Variants in SSH2 observed in about 807,000 individuals in gnomAD.
SSH2 encodes the protein slingshot protein phosphatase 2, also known as protein phosphatase Slingshot homolog 2.
A neutral mutation model predicts 135.2 loss-of-function variants in SSH2; 37 were observed. The observed-to-expected ratio is 0.27, with a 90% confidence interval of 0.21 to 0.36. The LOEUF (loss-of-function observed/expected upper bound fraction) is 0.36, where lower values mean the gene tolerates loss of function less well. Ranked by LOEUF, SSH2 falls within the 10% of genes least tolerant of loss-of-function variation. The pLI is 1.00. For missense variants in SSH2, 1,408 were observed against 1,765.3 expected (o/e 0.80, Z 3.63); for synonymous variants, 628 against 646.2 (o/e 0.97, Z 0.43).
intron 3 of SSH2, among the ~76,000 whole-genome samples, chr17:29,709,333 G>A (rs921090856): frequency 1.3e-5 from 2 of 152,066 alleles, no homozygotes; most frequent in African/African-American, 4.8e-5. Context: ...TATGGCGGAC[G>A]AAATACAATG....
At chr17:29,813,829 T>A (rs977470582) in intron 2 of SSH2, among the ~76,000 whole-genome samples, 1 of 135,800 alleles carries the variant, frequency 7.4e-6, no homozygotes, top group Non-Finnish European at 1.6e-5. Flanking sequence ...AAAAAAAAAA[T>A]TAAATTAAAA....
intron 1 of SSH2, chr17:29,925,464 C>T (rs2067047763): frequency 2.5e-6 from 1 of 398,218 alleles, no homozygotes; most frequent in South Asian, 1.3e-4. Context: ...GACTATAATC[C>T]CAATTCTTTA....
Position 29,930,023 on chromosome 17 carries a change from G to A in SSH2, c.-23C>T, listed in dbSNP as rs1405781382. ...CATCTAGGCGCTGCTGGGTTGTTCC[G>A]GGCAGGGCATTCTTGTCCTGAGTGT... On this transcript the variant is annotated 5_prime_UTR_variant, in exon 1 of 16. Transcript: ENST00000540801. 3 of 1,585,352 alleles carry A rather than the reference G, an allele frequency of 1.9e-6. No homozygotes were observed. The highest frequency in any genetic ancestry group is 2.3e-5 in the East Asian group (1 of 43,222).
intron 3 of SSH2, among the ~76,000 whole-genome samples, chr17:29,759,488 C>A (rs980122925): frequency 2.0e-5 from 3 of 152,196 alleles, no homozygotes; most frequent in Admixed American, 2.0e-4. Context: ...TATTTTCACA[C>A]TGTTGTGCAA....
intron 14 of SSH2, among the ~76,000 whole-genome samples, chr17:29,642,820 A>G (rs1038756989): frequency 6.6e-5 from 10 of 152,168 alleles, no homozygotes; most frequent in African/African-American, 2.4e-4. Flanking sequence ...AAATCAGTAC[A>G]GGAGCCTGGA....
chr17:29,785,965 C>T (rs1191934409), intron 3 of SSH2, among the ~76,000 whole-genome samples: 3 of 152,148 alleles, frequency 2.0e-5, no homozygotes, highest in South Asian at 2.1e-4. Flanking sequence ...CCATCACGCC[C>T]GGCTAGTTTT....
At chr17:29,666,729 A>T in intron 11 of SSH2, 138 bp downstream of exon 11, 1 of 734,826 alleles carries the variant, frequency 1.4e-6, no homozygotes, top group South Asian at 2.0e-5. Context: ...GGAAGTGATG[A>T]GGTTTGAGTA....
intron 2 of SSH2, among the ~76,000 whole-genome samples, chr17:29,845,304 C>T (rs1471449604): frequency 6.6e-6 from 1 of 152,170 alleles, no homozygotes; most frequent in Non-Finnish European, 1.5e-5. Flanking sequence ...ATAACTGCCC[C>T]CCACCCCACC....
chr17:29,750,263 C>T (rs1427908900), intron 3 of SSH2, among the ~76,000 whole-genome samples: 1 of 150,846 alleles, frequency 6.6e-6, no homozygotes, highest in Non-Finnish European at 1.5e-5. Flanking sequence ...CATGGCGAAA[C>T]CCCATCTCTA....
At position 29,642,576 on chromosome 17, in the gene SSH2, C is replaced by A. The variant is rs571689523; in HGVS notation, c.1427+5568G>T. Among the ~76,000 whole-genome samples the A allele has an allele frequency of 4.8e-3, 725 of 152,066 alleles. 12 individuals carry two copies. Among genetic ancestry groups the A allele is most frequent in the African/African-American group, 0.017 (690 of 41,464 alleles). On this transcript the variant is annotated intron_variant, in intron 14 of 15. Transcript: ENST00000540801. ...GCACACACACAGACACCACCCCCCC[C>A]ACCGCCTCTTGTTTTGCTCCCATCC... is the stretch of plus-strand genomic sequence containing the variant.
At chr17:29,888,130 C>A (rs1390347159) in intron 1 of SSH2, among the ~76,000 whole-genome samples, 1 of 152,130 alleles carries the variant, frequency 6.6e-6, no homozygotes, top group African/African-American at 2.4e-5. Flanking sequence ...CCCAGCTACT[C>A]AGGAGGCTGA....
Position 29,632,701 on chromosome 17 carries a change from C to A in SSH2, c.2493G>T (p.Glu831Asp), listed in dbSNP as rs200437711. The change falls in exon 16 of 16, where the codon GAG (glutamate) becomes GAT (aspartate). Residue 831 changes from glutamate (E) to aspartate (D), a missense_variant. Transcript: ENST00000540801. ...GGGCTGTGCAGGAGTCCTCATCTTG[C>A]TCCATATGTCCAGGTTTGTTCTCTG... ...QTPENKPGHM[E>D]QDEDSCTAQP... 231 of 1,614,168 alleles carry A rather than the reference C, an allele frequency of 1.4e-4. No individual in the cohort carries two copies. Among genetic ancestry groups the A allele is most frequent in the Middle Eastern group, 6.6e-4 (4 of 6,062 alleles).
intron 1 of SSH2, among the ~76,000 whole-genome samples, chr17:29,849,532 T>A (rs1392454338): frequency 6.6e-6 from 1 of 150,412 alleles, no homozygotes; most frequent in Non-Finnish European, 1.5e-5. Context: ...TAGTATGTAC[T>A]CTGAACTCTT....
intron 14 of SSH2, chr17:29,645,436 T>G (rs1007522479): frequency 1.2e-4 from 19 of 152,156 alleles, no homozygotes; most frequent in African/African-American, 4.6e-4. Flanking sequence ...GCCCTTCTTA[T>G]CCTCATCTAA....
chr17:29,632,435 A>G lies in SSH2; in HGVS notation c.2759T>C (p.Leu920Ser). 6 of 1,614,200 alleles carry G rather than the reference A, an allele frequency of 3.7e-6. No individual in the cohort carries two copies. Among genetic ancestry groups the G allele is most frequent in the Non-Finnish European group, 5.1e-6 (6 of 1,180,032 alleles). Residue 920 changes from leucine (L) to serine (S), a missense_variant, in exon 16 of 16, where the codon TTG becomes TCG. Transcript: ENST00000540801. ...ATTCTTTGAATTCTTACGAGTGGAC[A>G]ATGAGGTACATGTTGGGGCAGCACC... ...HHGAAPTCTSLSTRKNSKNDS... is the reference protein window; with the variant it reads ...HHGAAPTCTSSSTRKNSKNDS...
intron 2 of SSH2, among the ~76,000 whole-genome samples, chr17:29,804,423 A>C (rs1240891247): frequency 2.0e-5 from 3 of 152,214 alleles, no homozygotes; most frequent in Admixed American, 2.0e-4. Context: ...TCTAAAGAAA[A>C]AAAAGTCCTT....
chr17:29,717,411 T>C (rs1327110269), intron 3 of SSH2, among the ~76,000 whole-genome samples: 5 of 152,232 alleles, frequency 3.3e-5, no homozygotes, highest in Non-Finnish European at 7.3e-5. Context: ...GAGGAGATTA[T>C]AGGTGTGAGC....
chr17:29,737,016 G>A (rs1487335384), intron 3 of SSH2, among the ~76,000 whole-genome samples: 3 of 136,946 alleles, frequency 2.2e-5, no homozygotes, highest in African/African-American at 8.2e-5. Flanking sequence ...GAAAAATGGC[G>A]TGAACCCAGG....
At chr17:29,807,042 T>C (rs927272659) in intron 2 of SSH2, among the ~76,000 whole-genome samples, 4 of 152,192 alleles carry the variant, frequency 2.6e-5, no homozygotes, top group Admixed American at 1.3e-4. Flanking sequence ...TCTTGTAGCA[T>C]TAAACATTCT....
Sources: gnomAD v4.1 joint callset for allele counts (sites outside exome capture counted in the v4.1 genomes callset) on GRCh38, gnomAD v4.1.1 for gene constraint, MANE v1.5 for transcripts, NCBI Gene and HGNC (gene_info 2026-07-23, HGNC 2026-07-21) for gene names.